Variants in ZMAT4 observed in about 807,000 individuals in gnomAD.
The protein encoded by ZMAT4 is zinc finger matrin-type protein 4.
Under a neutral mutation model 28.7 loss-of-function variants are expected in ZMAT4, and 17 were observed. That is an observed-to-expected ratio of 0.59 (90% CI 0.41 to 0.89). The LOEUF is 0.89. ZMAT4 is among the 40% of genes least tolerant of loss of function. ZMAT4 has a pLI of 0.00. For synonymous variants in ZMAT4, 117 were observed against 109.2 expected (o/e 1.07, Z -0.44); for missense variants, 240 against 283.8 (o/e 0.85, Z 1.11).
At chr8:40,890,303 T>C (rs1349184207) in intron 1 of ZMAT4, among the ~76,000 whole-genome samples, 2 of 152,152 alleles carry the variant, frequency 1.3e-5, no homozygotes, top group African/African-American at 2.4e-5. Context: ...CCTTCTCCTA[T>C]AGTTTAAACC....
chr8:40,596,259 C>T (rs775699964), intron 5 of ZMAT4, among the ~76,000 whole-genome samples: 2 of 152,198 alleles, frequency 1.3e-5, no homozygotes, highest in Non-Finnish European at 2.9e-5. Context: ...CTGTACACTA[C>T]TGCAGACTTT....
chr8:40,833,644 C>G (rs771325842), intron 1 of ZMAT4, among the ~76,000 whole-genome samples: 6 of 151,688 alleles, frequency 4.0e-5, no homozygotes, highest in African/African-American at 1.2e-4. Context: ...GGGAAGACGT[C>G]TGACCCCCAC....
intron 5 of ZMAT4, among the ~76,000 whole-genome samples, chr8:40,662,977 T>C (rs1046788125): frequency 1.8e-4 from 28 of 152,354 alleles, no homozygotes; most frequent in Middle Eastern, 3.4e-3. Context: ...TTTGGTCTCC[T>C]GGCTTTCAGA....
intron 5 of ZMAT4, among the ~76,000 whole-genome samples, chr8:40,608,190 T>A (rs189854306): frequency 6.6e-6 from 1 of 152,034 alleles, no homozygotes; most frequent in Non-Finnish European, 1.5e-5. Flanking sequence ...AGAAAGACCA[T>A]CAGATGGGGG....
chr8:40,700,406 CTTTTCTTTTTTTT>C (rs1187901172), intron 3 of ZMAT4, among the ~76,000 whole-genome samples: 1 of 60,798 alleles, frequency 1.6e-5, no homozygotes, highest in African/African-American at 5.8e-5. Flanking sequence ...GAAGCTGCTG[CTTTTCTTTTTTTT>C]TTTTTTTTTT....
At chr8:40,730,933 C>T (rs1398571390) in intron 3 of ZMAT4, among the ~76,000 whole-genome samples, 1 of 152,144 alleles carries the variant, frequency 6.6e-6, no homozygotes, top group Non-Finnish European at 1.5e-5. Flanking sequence ...AATTTCAGCT[C>T]CTTGCACAGT....
intron 2 of ZMAT4, among the ~76,000 whole-genome samples, chr8:40,785,676 T>C (rs1372446361): frequency 6.6e-6 from 1 of 152,190 alleles, no homozygotes; most frequent in Non-Finnish European, 1.5e-5. Flanking sequence ...TATGCACATA[T>C]AAAGTTAGTC....
At chr8:40,663,261 C>A (rs1335172505) in intron 5 of ZMAT4, among the ~76,000 whole-genome samples, 4 of 152,204 alleles carry the variant, frequency 2.6e-5, no homozygotes, top group Non-Finnish European at 1.5e-5. Context: ...TTCTACATAT[C>A]TCAATGCTAA....
chr8:40,888,961 A>C (rs577133536), intron 1 of ZMAT4, among the ~76,000 whole-genome samples: 1 of 152,238 alleles, frequency 6.6e-6, no homozygotes, highest in South Asian at 2.1e-4. Context: ...AGCACATGGA[A>C]CCCCCAGAGT....
chr8:40,580,695 A>C (rs1235905723), intron 6 of ZMAT4, among the ~76,000 whole-genome samples: 1 of 152,168 alleles, frequency 6.6e-6, no homozygotes, highest in Non-Finnish European at 1.5e-5. Flanking sequence ...GAAATAGTGA[A>C]TGTCATTGTA....
chr8:40,656,719 A>G (rs1441856426), intron 5 of ZMAT4, among the ~76,000 whole-genome samples: 3 of 152,164 alleles, frequency 2.0e-5, no homozygotes, highest in African/African-American at 7.2e-5. Flanking sequence ...GGCAGCATGC[A>G]TATATCAAAA....
chr8:40,724,189 C>A (rs1031639963), intron 3 of ZMAT4, among the ~76,000 whole-genome samples: 1 of 152,110 alleles, frequency 6.6e-6, no homozygotes, highest in African/African-American at 2.4e-5. Flanking sequence ...GGGATAAGAA[C>A]CACAAGAAAA....
intron 2 of ZMAT4, among the ~76,000 whole-genome samples, chr8:40,800,226 A>G (rs1242755999): frequency 2.0e-5 from 3 of 152,244 alleles, no homozygotes; most frequent in African/African-American, 7.2e-5. Context: ...CCTAATAACA[A>G]GGCGTCAAAA....
At chr8:40,662,959 G>A (rs1808263844) in intron 5 of ZMAT4, among the ~76,000 whole-genome samples, 1 of 152,130 alleles carries the variant, frequency 6.6e-6, no homozygotes, top group Non-Finnish European at 1.5e-5. Flanking sequence ...GCCTCTGCAT[G>A]AATTCGATTT....
chr8:40,596,411 A>G (rs1364357697), intron 5 of ZMAT4, among the ~76,000 whole-genome samples: 1 of 152,260 alleles, frequency 6.6e-6, no homozygotes, highest in Non-Finnish European at 1.5e-5. Context: ...ACACAAATGC[A>G]TTGCACAGCT....
intron 3 of ZMAT4, among the ~76,000 whole-genome samples, chr8:40,700,521 C>A (rs1046858801): frequency 1.4e-5 from 2 of 147,500 alleles, no homozygotes; most frequent in Non-Finnish European, 3.0e-5. Flanking sequence ...TAGGTTCAAG[C>A]AATCCTTTCA....
chr8:40,651,487 A>C (rs549160376), intron 5 of ZMAT4, among the ~76,000 whole-genome samples: 1,547 of 150,602 alleles, frequency 0.01, 24 homozygotes, highest in African/African-American at 0.036. Context: ...AATATCGTGA[A>C]AATGGCCATA....
chr8:40,607,117 C>CTTTTTTTT lies in ZMAT4; in HGVS notation c.578-25864_578-25857dup, dbSNP rs71544299. Among the ~76,000 whole-genome samples the CTTTTTTTT allele has an allele frequency of 6.2e-4, 41 of 65,724 alleles. 1 individual carries two copies. Among genetic ancestry groups the CTTTTTTTT allele is most frequent in the Non-Finnish European group, 7.4e-4 (28 of 37,590 alleles). 43.1% of individuals were successfully genotyped at this position (65,724 alleles called of 152,430 possible). On this transcript the variant is annotated intron_variant, in intron 5 of 6. Coordinates refer to ENST00000297737, the MANE Select transcript of ZMAT4 (RefSeq NM_024645.3). ...AGATTTTTTCTTTCATATCTTGTAT[C>CTTTTTTTT]TTTTTTTTTTTTTTTTTTTTTTTTT...
intron 5 of ZMAT4, among the ~76,000 whole-genome samples, chr8:40,587,407 C>T (rs1399105651): frequency 6.6e-6 from 1 of 152,058 alleles, no homozygotes; most frequent in Admixed American, 6.5e-5. Flanking sequence ...AAGAAGCAAA[C>T]AATTTAAGCA....
Sources: allele counts gnomAD v4.1 joint callset (sites outside exome capture counted in the v4.1 genomes callset), GRCh38; gene constraint gnomAD v4.1.1; transcripts MANE v1.5; gene names NCBI Gene and HGNC (gene_info 2026-07-23, HGNC 2026-07-21).